PCDHGA7: variants seen among roughly 807,000 people sequenced by gnomAD.
The protein encoded by PCDHGA7 is protocadherin gamma subfamily A, 7.
A neutral mutation model predicts 58.3 loss-of-function variants in PCDHGA7; 44 were observed. That is an observed-to-expected ratio of 0.75 (90% CI 0.59 to 0.97). PCDHGA7 has a LOEUF of 0.97. Among genes scored for constraint, PCDHGA7 ranks in the 50% least tolerant of loss-of-function variants. The pLI is 0.00. For missense variants in PCDHGA7, 1,266 were observed against 1,188.7 expected (o/e 1.06, Z -0.96); for synonymous variants, 516 against 504.2 (o/e 1.02, Z -0.31).
At chr5:141,447,197 T>C (rs1249080495) in intron 1 of PCDHGA7, among the ~76,000 whole-genome samples, 7 of 152,188 alleles carry the variant, frequency 4.6e-5, no homozygotes, top group Admixed American at 4.6e-4. Context: ...TGGAGTGCAA[T>C]GGCTTGATCT....
At chr5:141,479,189 G>A (rs1466742057) in intron 1 of PCDHGA7, 3 of 152,358 alleles carry the variant, frequency 2.0e-5, no homozygotes, top group African/African-American at 7.2e-5. Flanking sequence ...AGAAAATTCA[G>A]AAAATACAGA....
In PCDHGA7 at chr5:141,490,175, A is replaced by C; in HGVS notation, c.2425-4632A>C. The C allele has an allele frequency of 1.9e-6, 3 of 1,614,194 alleles. No homozygotes were observed. Among genetic ancestry groups the C allele is most frequent in the East Asian group, 4.5e-5 (2 of 44,884 alleles). On this transcript the variant is annotated intron_variant, in intron 1 of 3. Coordinates refer to ENST00000518325, the MANE Select transcript of PCDHGA7 (RefSeq NM_018920.4). This position sits in a 1 kb window ranked among gnomAD's most constrained non-coding sequence, Gnocchi z 5.4. ...GTGTTGGGTCCCATAGACTTTGAGG[A>C]GTCACGTTTCTATGAAATTCATGCA...
intron 1 of PCDHGA7, among the ~76,000 whole-genome samples, chr5:141,453,047 G>A (rs930795400): frequency 1.3e-5 from 2 of 152,172 alleles, no homozygotes; most frequent in African/African-American, 4.8e-5. Context: ...TTTCTATTAT[G>A]TGCAGTTTTA....
At chr5:141,405,448 C>G in intron 1 of PCDHGA7, 1 of 1,314,742 alleles carries the variant, frequency 7.6e-7, no homozygotes, top group Non-Finnish European at 1.1e-6. Context: ...GAGACAGAGT[C>G]TTACTCTGTT....
At chr5:141,386,663 G>A (rs532080624) in intron 1 of PCDHGA7, among the ~76,000 whole-genome samples, 7 of 151,932 alleles carry the variant, frequency 4.6e-5, no homozygotes, top group Non-Finnish European at 1.0e-4. Flanking sequence ...GTTCTGCAGT[G>A]TTCACATTTC....
At chr5:141,399,798 G>A in intron 1 of PCDHGA7, 1 of 1,613,236 alleles carries the variant, frequency 6.2e-7, no homozygotes. Context: ...ACGCACCGCG[G>A]GTGCTGTACC....
rs931773405 is a variant in PCDHGA7, at chr5:141,385,109, C to T, written c.2210C>T (p.Thr737Ile). The T allele has an allele frequency of 3.1e-6, 5 of 1,614,174 alleles. No individual in the cohort carries two copies. The highest frequency in any genetic ancestry group is 4.2e-6 in the Non-Finnish European group (5 of 1,180,044). Residue 737 changes from threonine to isoleucine, a missense_variant, in exon 1 of 4, where the codon ACC (threonine) becomes ATC (isoleucine). Thr to Ile is a moderately conservative substitution (Grantham distance 89). Coordinates refer to ENST00000518325, the MANE Select transcript of PCDHGA7 (RefSeq NM_018920.4). ...ASEGGLANVP[T>I]SHFVGMDGVQ... The stretch of plus-strand genomic sequence containing the variant: ...GAAGGTGGCTTGGCGAACGTGCCCA[C>T]CTCGCACTTTGTGGGCATGGACGGG...
At chr5:141,447,313 T>C (rs2098534296) in intron 1 of PCDHGA7, among the ~76,000 whole-genome samples, 1 of 152,146 alleles carries the variant, frequency 6.6e-6, no homozygotes, top group African/African-American at 2.4e-5. Context: ...CTAATTTTTG[T>C]ATTTTTAGTA....
In PCDHGA7 at chr5:141,384,866, C is replaced by T; in HGVS notation, c.1967C>T (p.Ala656Val). Residue 656 changes from alanine (A) to valine (V), a missense_variant, in exon 1 of 4, where the codon GCC becomes GTC. By Grantham distance (64) the Ala-to-Val change is moderately conservative (BLOSUM62 0). Coordinates refer to ENST00000518325, the MANE Select transcript of PCDHGA7 (RefSeq NM_018920.4). ...GACCACGGTCAGCCTCCTCTGTCAG[C>T]CACCGTCACACTCACCGTGGCTGTG... ...VQDHGQPPLS[A>V]TVTLTVAVAD... The T allele has an allele frequency of 6.2e-7, 1 of 1,613,720 alleles. No homozygotes were observed. Among genetic ancestry groups the T allele is most frequent in the African/African-American group, 1.3e-5 (1 of 75,072 alleles).
intron 1 of PCDHGA7, among the ~76,000 whole-genome samples, chr5:141,474,136 G>A (rs1383142266): frequency 1.3e-5 from 2 of 152,056 alleles, no homozygotes; most frequent in East Asian, 3.8e-4. Context: ...AAAACTACAG[G>A]CCTTATTATC....
Position 141,385,033 on chromosome 5 carries a change from C to A in PCDHGA7, c.2134C>A (p.Leu712Met). Residue 712 changes from leucine to methionine, a missense_variant, in exon 1 of 4, where the codon CTG becomes ATG. Transcript: ENST00000518325. The part of the protein sequence containing the change: ...CVFLAFVLVL[L>M]ALRLRRWHKS... ...CTTCCTAGCCTTCGTCCTCGTACTG[C>A]TGGCGCTCAGGCTGCGGCGCTGGCA... The A allele has an allele frequency of 6.2e-7, 1 of 1,614,182 alleles. No individual in the cohort carries two copies. Among genetic ancestry groups the A allele is most frequent in the South Asian group, 1.1e-5 (1 of 91,088 alleles).
intron 1 of PCDHGA7, chr5:141,421,335 G>A (rs2096564985): frequency 1.2e-6 from 2 of 1,613,944 alleles, no homozygotes; most frequent in Non-Finnish European, 8.5e-7. Context: ...GATATTCGGT[G>A]CCAGAAGAGA....
At chr5:141,419,756 G>A in intron 1 of PCDHGA7, 7 of 1,614,008 alleles carry the variant, frequency 4.3e-6, no homozygotes, top group East Asian at 2.2e-5. Flanking sequence ...GCGTGCTTTG[G>A]GTGACAAGGA....
At position 141,486,447 on chromosome 5, in the gene PCDHGA7, T is replaced by A. The variant is rs1452869378; in HGVS notation, c.2425-8360T>A. 6.2e-7 allele frequency: 1 copy of A among 1,614,058 alleles called. No individual in the cohort carries two copies. The highest frequency in any genetic ancestry group is 1.7e-5 in the Admixed American group (1 of 60,012). On this transcript the variant is annotated intron_variant, in intron 1 of 3. Coordinates refer to ENST00000518325, the MANE Select transcript of PCDHGA7 (RefSeq NM_018920.4). This position sits in a 1 kb window ranked among gnomAD's most constrained non-coding sequence, Gnocchi z 5.0. Reference sequence around the variant, plus strand: ...GCCAAATCTAGCTATGACATCATGGTCACTGCTTCTGATGCTGGGAACCCT... The same window carrying A: ...GCCAAATCTAGCTATGACATCATGGACACTGCTTCTGATGCTGGGAACCCT...
At chr5:141,463,324 T>C (rs1413608053) in intron 1 of PCDHGA7, among the ~76,000 whole-genome samples, 1 of 150,722 alleles carries the variant, frequency 6.6e-6, no homozygotes, top group Non-Finnish European at 1.5e-5. Context: ...ATTCCTCAAC[T>C]CAGCAAAACC....
In PCDHGA7 at chr5:141,476,343, T is replaced by A; in HGVS notation, c.2425-18464T>A. 1 of 1,614,012 alleles carries A rather than the reference T, an allele frequency of 6.2e-7. No individual in the cohort carries two copies. The highest frequency in any genetic ancestry group is 1.3e-5 in the African/African-American group (1 of 74,984). ...GTGGTGTCTGGAGCTAGCCGAAGAT[T>A]CTTTGAGGTGAACCGGGAGACCGGA... On this transcript the variant is annotated intron_variant, in intron 1 of 3. Transcript: ENST00000518325. This position sits in a 1 kb window ranked among gnomAD's most constrained non-coding sequence, Gnocchi z 7.6.
intron 1 of PCDHGA7, chr5:141,393,474 C>T (rs773609499): frequency 6.2e-7 from 1 of 1,613,926 alleles, no homozygotes; most frequent in African/African-American, 1.3e-5. Context: ...CGGCAAGCCG[C>T]CTCGCTCTAG....
intron 2 of PCDHGA7, among the ~76,000 whole-genome samples, chr5:141,503,393 G>A (rs954734829): frequency 2.0e-5 from 3 of 151,824 alleles, no homozygotes; most frequent in African/African-American, 4.8e-5. Flanking sequence ...TCAGGAGTTC[G>A]AAACCAACCT....
chr5:141,441,819 G>A (rs1040935030), intron 1 of PCDHGA7: 6 of 359,092 alleles, frequency 1.7e-5, no homozygotes, highest in Non-Finnish European at 3.3e-5. Context: ...CCCCAGCTCT[G>A]GAGCGCAATG....
Sources: allele counts gnomAD v4.1 joint callset (sites outside exome capture counted in the v4.1 genomes callset), GRCh38; gene constraint gnomAD v4.1.1; non-coding constraint Gnocchi (gnomAD v3.1); transcripts MANE v1.5; gene names NCBI Gene and HGNC (gene_info 2026-07-23, HGNC 2026-07-21).